Variants in PACRG observed in about 807,000 individuals in gnomAD.
PACRG encodes parkin coregulated gene protein.
PACRG carries 29 observed loss-of-function variants against 29.7 expected under a neutral mutation model. That is an observed-to-expected ratio of 0.98 (90% CI 0.73 to 1.33). PACRG has a LOEUF of 1.33. Among genes scored for constraint, PACRG ranks in the 40% most tolerant of loss-of-function variants. The probability of loss-of-function intolerance (pLI) is 0.00; values close to 1 mark genes in which losing one functional copy is unlikely to be tolerated. For synonymous variants in PACRG, 116 were observed against 118.7 expected (o/e 0.98, Z 0.15); for missense variants, 279 against 316.2 (o/e 0.88, Z 0.89).
chr6:163,182,280 A>G lies in PACRG; in HGVS notation c.613+92872A>G, dbSNP rs9346952. On this transcript the variant is annotated intron_variant, in intron 4 of 4. Coordinates refer to ENST00000366888, the MANE Select transcript of PACRG (RefSeq NM_001080379.2). ...TTGTGTTCATAAAATCAGTTGATGG[A>G]TGAAAGTTACTGAAGAAATTGCTAA... is the stretch of plus-strand genomic sequence containing the variant. Among the ~76,000 whole-genome samples the G allele has an allele frequency of 1.8e-3, 271 of 152,326 alleles. 6 individuals are homozygous for G. In the East Asian group the frequency reaches 0.042, roughly 24 times the overall value.
chr6:162,931,123 T>A (rs564110712), intron 2 of PACRG, among the ~76,000 whole-genome samples: 2 of 151,770 alleles, frequency 1.3e-5, no homozygotes, highest in Non-Finnish European at 3.0e-5. Context: ...CTACAAAAAA[T>A]TTTTGAAGAG....
chr6:163,203,907 T>C (rs1476185649), intron 4 of PACRG, among the ~76,000 whole-genome samples: 2 of 152,244 alleles, frequency 1.3e-5, no homozygotes, highest in African/African-American at 2.4e-5. Flanking sequence ...TATTGGGGTA[T>C]AGTTGTTGGC....
At chr6:162,876,007 G>C in intron 2 of PACRG, among the ~76,000 whole-genome samples, 1 of 152,140 alleles carries the variant, frequency 6.6e-6, no homozygotes, top group Non-Finnish European at 1.5e-5. Flanking sequence ...TCCCTAGATA[G>C]AGCCGAAGAT....
chr6:162,812,337 T>G (rs1295808731), intron 1 of PACRG, among the ~76,000 whole-genome samples: 1 of 152,038 alleles, frequency 6.6e-6, no homozygotes, highest in Non-Finnish European at 1.5e-5. Context: ...TAAATGAGGC[T>G]TTTGCTGACC....
At chr6:162,727,716 G>C (rs1346951062), upstream of PACRG, 3 of 1,550,856 alleles carry the variant, frequency 1.9e-6, no homozygotes, top group Non-Finnish European at 8.7e-7. Flanking sequence ...GCCCATGCGC[G>C]CAGCGGCGCC....
chr6:163,205,293 A>G (rs1466080984), intron 4 of PACRG, among the ~76,000 whole-genome samples: 1 of 152,106 alleles, frequency 6.6e-6, no homozygotes, highest in Non-Finnish European at 1.5e-5. Flanking sequence ...GCTGGAGGGA[A>G]CACATTACCC....
At chr6:163,066,557 A>C (rs1811562711) in intron 3 of PACRG, among the ~76,000 whole-genome samples, 1 of 152,232 alleles carries the variant, frequency 6.6e-6, no homozygotes, top group Non-Finnish European at 1.5e-5. Context: ...AATGACTCTT[A>C]AAAATCCCAG....
At chr6:162,833,052 G>A (rs1011956029) in intron 2 of PACRG, among the ~76,000 whole-genome samples, 6 of 151,916 alleles carry the variant, frequency 3.9e-5, no homozygotes, top group Non-Finnish European at 7.4e-5. Context: ...TCTTTTACTA[G>A]ACCTTTCACA....
At chr6:163,230,254 G>A (rs1170686927) in intron 4 of PACRG, among the ~76,000 whole-genome samples, 1 of 152,160 alleles carries the variant, frequency 6.6e-6, no homozygotes, top group Non-Finnish European at 1.5e-5. Flanking sequence ...TCTCTTCATT[G>A]TAGCACAGGT....
intron 2 of PACRG, among the ~76,000 whole-genome samples, chr6:163,004,724 G>GTATATATATA (rs1804891849): frequency 7.6e-6 from 1 of 130,762 alleles, no homozygotes; most frequent in East Asian, 2.0e-4. Flanking sequence ...GTGTGTGTGT[G>GTATATATATA]TGTATATATA....
At chr6:163,157,721 C>T (rs1282841216) in intron 4 of PACRG, among the ~76,000 whole-genome samples, 1 of 152,188 alleles carries the variant, frequency 6.6e-6, no homozygotes, top group African/African-American at 2.4e-5. Flanking sequence ...TTTACTACAC[C>T]ACTAGTGAAT....
chr6:162,835,878 A>G (rs573298103), intron 2 of PACRG, among the ~76,000 whole-genome samples: 1 of 152,292 alleles, frequency 6.6e-6, no homozygotes, highest in East Asian at 1.9e-4. Flanking sequence ...GAAAAGAATC[A>G]TACGATTTGT....
chr6:162,944,900 G>A (rs766043088), intron 2 of PACRG, among the ~76,000 whole-genome samples: 46 of 151,956 alleles, frequency 3.0e-4, no homozygotes, highest in Non-Finnish European at 6.0e-4. Context: ...AACAAAAAAA[G>A]GGATAGAAAA....
intron 4 of PACRG, chr6:163,165,906 C>T (rs1778782765): frequency 5.6e-6 from 2 of 360,170 alleles, no homozygotes; most frequent in South Asian, 4.3e-5. Context: ...TTCATTGCAT[C>T]TAAGGCACCA....
chr6:163,310,226 G>A (rs988386061), intron 4 of PACRG: 1 of 152,074 alleles, frequency 6.6e-6, no homozygotes, highest in Admixed American at 6.5e-5. Context: ...TAGGATCTCC[G>A]AGTGTCTTGA....
chr6:163,312,821 T>C, intron 4 of PACRG: 1 of 430,856 alleles, frequency 2.3e-6, no homozygotes, highest in Non-Finnish European at 4.6e-6. Flanking sequence ...GGCGCGATCA[T>C]GGCTCGTTGC....
intron 2 of PACRG, among the ~76,000 whole-genome samples, chr6:162,820,443 G>A (rs1346628114): frequency 1.3e-5 from 2 of 152,050 alleles, no homozygotes; most frequent in African/African-American, 4.8e-5. Context: ...ATAAAAATAT[G>A]CACACATTTT....
intron 1 of PACRG, among the ~76,000 whole-genome samples, chr6:162,797,739 A>T (rs541989392): frequency 4.6e-5 from 7 of 152,020 alleles, no homozygotes; most frequent in African/African-American, 1.7e-4. Context: ...TCTCTTTCAC[A>T]TTATTCATTT....
chr6:163,009,418 C>T (rs1028010820), intron 2 of PACRG, among the ~76,000 whole-genome samples: 2 of 152,210 alleles, frequency 1.3e-5, no homozygotes, highest in Non-Finnish European at 2.9e-5. Context: ...AACTTCCCAT[C>T]ACTTCAATTT....
Sources: allele counts gnomAD v4.1 joint callset (sites outside exome capture counted in the v4.1 genomes callset), GRCh38; gene constraint gnomAD v4.1.1; transcripts MANE v1.5; gene names NCBI Gene and HGNC (gene_info 2026-07-23, HGNC 2026-07-21).